CLIP1: variants seen among roughly 807,000 people sequenced by gnomAD.
The protein encoded by CLIP1 is CAP-Gly domain containing linker protein 1.
CLIP1 carries 66 observed loss-of-function variants against 161.6 expected under a neutral mutation model. The observed-to-expected ratio is 0.41, with a 90% confidence interval of 0.33 to 0.50. The LOEUF is 0.50. CLIP1 is among the 20% of genes least tolerant of loss of function. The pLI, the probability that CLIP1 is intolerant of heterozygous loss-of-function variation, is 0.27. For synonymous variants in CLIP1, 598 were observed against 626.2 expected, an observed-to-expected ratio of 0.96 and a Z score of 0.67; for missense variants, 1,376 against 1,702.0, an observed-to-expected ratio of 0.81 and a Z score of 3.37.
rs2136512135 is a variant in CLIP1 at position 122,310,282 on chromosome 12, G to A, written c.3474-400C>T. On this transcript the variant is annotated intron_variant, in intron 19 of 25. Coordinates refer to ENST00000620786, the MANE Select transcript of CLIP1 (RefSeq NM_001247997.2). ...ATAAAGTGATTTAATTTGCTGCCAA[G>A]GCACTCTGTTCTAACTGCACAGATC... Among the ~76,000 whole-genome samples the A allele has an allele frequency of 2.6e-5, 4 of 152,302 alleles. No individual in the cohort carries two copies. The Middle Eastern group carries it at 0.014, about 518-fold the overall frequency.
Position 122,278,935 on chromosome 12 carries a change from A to C in CLIP1, c.3773T>G (p.Val1258Gly). 2 of 1,608,078 alleles carry C rather than the reference A, an allele frequency of 1.2e-6. No individual in the cohort carries two copies. The highest frequency in any genetic ancestry group is 1.7e-6 in the Non-Finnish European group (2 of 1,178,250). ...GGCAGAGGCGTTTTCTCCCCTGAGC[A>C]CTGTGACCTGAAACACAGTTGTTTA... ...ELEKLRNEVT[V>G]LRGENASAKS... Residue 1258 changes from valine (V) to glycine (G), a missense_variant, in exon 23 of 26, where the codon GTG becomes GGG. Val to Gly is a moderately radical substitution (Grantham distance 109). Transcript: ENST00000620786.
chr12:122,298,579 A>G (rs1430597178), intron 20 of CLIP1, among the ~76,000 whole-genome samples: 2 of 147,740 alleles, frequency 1.4e-5, no homozygotes, highest in African/African-American at 5.0e-5. Context: ...CCTGGGTGAC[A>G]GAGCAGCACT....
intron 3 of CLIP1, among the ~76,000 whole-genome samples, chr12:122,372,472 C>T (rs138186061): frequency 6.6e-5 from 10 of 150,682 alleles, no homozygotes; most frequent in South Asian, 4.2e-4. Flanking sequence ...ATCCCAGCTA[C>T]GCTACTTGGG....
intron 4 of CLIP1, among the ~76,000 whole-genome samples, chr12:122,362,439 G>A (rs1298715954): frequency 3.3e-5 from 5 of 150,074 alleles, no homozygotes; most frequent in East Asian, 2.0e-4. Flanking sequence ...TCAGGAGATC[G>A]AGACCATCCT....
intron 15 of CLIP1, among the ~76,000 whole-genome samples, chr12:122,330,602 T>TTTTTGTTTTGTTTTTTG (rs1555265532): frequency 7.2e-6 from 1 of 138,274 alleles, no homozygotes; most frequent in African/African-American, 2.8e-5. Flanking sequence ...ATGCAGTTTT[T>TTTTTGTTTTGTTTTTTG]TTTTTTTTTT....
Position 122,403,559 on chromosome 12 carries a change from C to T in CLIP1, c.-107+18962G>A, listed in dbSNP as rs1956216891. Among the ~76,000 whole-genome samples the T allele has an allele frequency of 5.5e-5, 8 of 145,272 alleles. No homozygotes were observed. In the South Asian group the frequency reaches 1.8e-3, roughly 32 times the overall value. On this transcript the variant is annotated intron_variant, in intron 1 of 25. Transcript: ENST00000620786. ...TTTGGCACAGAGTCTTACTCTGGTA[C>T]CCAGGCTGGAGTGCAGTGGCATGAT...
chr12:122,358,436 T>TAA (rs1189999010), intron 5 of CLIP1, among the ~76,000 whole-genome samples: 4 of 94,876 alleles, frequency 4.2e-5, no homozygotes, highest in Non-Finnish European at 4.2e-5. Context: ...AATGAACAAT[T>TAA]AAAAAAAAAA....
intron 1 of CLIP1, among the ~76,000 whole-genome samples, chr12:122,405,867 A>C (rs1053187429): frequency 2.0e-5 from 3 of 152,118 alleles, no homozygotes; most frequent in Non-Finnish European, 4.4e-5. Context: ...TCAGACGTTC[A>C]AGACCAGCCT....
chr12:122,285,894 A>G (rs1398467515), intron 21 of CLIP1, among the ~76,000 whole-genome samples: 2 of 151,950 alleles, frequency 1.3e-5, no homozygotes, highest in African/African-American at 4.8e-5. Flanking sequence ...TTATTTATGT[A>G]AAATTAAATA....
intron 1 of CLIP1, among the ~76,000 whole-genome samples, chr12:122,415,522 T>C (rs1320844619): frequency 6.7e-6 from 1 of 149,598 alleles, no homozygotes; most frequent in East Asian, 2.0e-4. Context: ...AAGTTTTCTA[T>C]TAAACATAGA....
At chr12:122,367,210 A>G (rs543631696) in intron 3 of CLIP1, among the ~76,000 whole-genome samples, 1 of 152,348 alleles carries the variant, frequency 6.6e-6, no homozygotes, top group Non-Finnish European at 1.5e-5. Flanking sequence ...CTTTGTAAAA[A>G]GTAATCACAA....
At chr12:122,367,024 A>C (rs2136656254) in intron 3 of CLIP1, among the ~76,000 whole-genome samples, 1 of 152,322 alleles carries the variant, frequency 6.6e-6, no homozygotes, top group South Asian at 2.1e-4. Flanking sequence ...TCCAGCCAGC[A>C]TCATGTGAGC....
intron 5 of CLIP1, among the ~76,000 whole-genome samples, chr12:122,357,822 TC>T (rs1953544395): frequency 7.7e-6 from 1 of 129,848 alleles, no homozygotes; most frequent in Admixed American, 7.8e-5. Context: ...GTGGGGGGGG[TC>T]AGCCCCCCGC....
intron 15 of CLIP1, among the ~76,000 whole-genome samples, chr12:122,331,728 C>G (rs1951978997): frequency 6.6e-6 from 1 of 152,182 alleles, no homozygotes; most frequent in Admixed American, 6.5e-5. Flanking sequence ...GGTACGGTGA[C>G]TCATGCCTGT....
At chr12:122,411,545 C>A (rs1956534184) in intron 1 of CLIP1, among the ~76,000 whole-genome samples, 1 of 152,132 alleles carries the variant, frequency 6.6e-6, no homozygotes, top group Admixed American at 6.6e-5. Context: ...TATATCTACA[C>A]AACAGAATAT....
intron 3 of CLIP1, among the ~76,000 whole-genome samples, chr12:122,373,822 T>C (rs1342071305): frequency 1.3e-5 from 2 of 152,152 alleles, no homozygotes; most frequent in African/African-American, 4.8e-5. Flanking sequence ...CGAAAGCATA[T>C]TATGAAAATG....
intron 1 of CLIP1, among the ~76,000 whole-genome samples, chr12:122,420,948 T>C (rs1205961749): frequency 2.6e-5 from 4 of 151,334 alleles, no homozygotes; most frequent in African/African-American, 7.3e-5. Context: ...GATTGATTGA[T>C]TGATTGATGG....
At chr12:122,419,387 TA>T (rs1051945255) in intron 1 of CLIP1, among the ~76,000 whole-genome samples, 2 of 148,384 alleles carry the variant, frequency 1.3e-5, no homozygotes, top group African/African-American at 5.0e-5. Flanking sequence ...AAAAATTAAT[TA>T]AAAAAAAATA....
At chr12:122,293,500 C>T (rs557481596) in intron 20 of CLIP1, among the ~76,000 whole-genome samples, 17 of 150,206 alleles carry the variant, frequency 1.1e-4, no homozygotes, top group South Asian at 2.1e-4. Context: ...TTTTTTGAGA[C>T]GGAGTTTCGC....
Sources: allele counts gnomAD v4.1 joint callset (sites outside exome capture counted in the v4.1 genomes callset), GRCh38; gene constraint gnomAD v4.1.1; transcripts MANE v1.5; gene names NCBI Gene and HGNC (gene_info 2026-07-23, HGNC 2026-07-21).